Variants in WDR43 observed in about 807,000 individuals in gnomAD.
WDR43 encodes the protein WD repeat domain 43, also known as WD repeat-containing protein 43.
In WDR43, 13 loss-of-function variants were observed where a neutral mutation model predicts 91.4. The ratio of observed to expected loss-of-function variants is 0.14; its 90% CI spans 0.09 to 0.23. The LOEUF (loss-of-function observed/expected upper bound fraction) is 0.23. Ranked by LOEUF, WDR43 falls within the 10% of genes least tolerant of loss-of-function variation. The pLI, the probability that WDR43 is intolerant of heterozygous loss-of-function variation, is 1.00. For missense variants in WDR43, 780 were observed against 809.4 expected, an observed-to-expected ratio of 0.96 and a Z score of 0.44; for synonymous variants, 331 against 287.9, an observed-to-expected ratio of 1.15 and a Z score of -1.51.
At position 28,902,105 on chromosome 2, in the gene WDR43, A is replaced by G. The variant is rs1443287022; in HGVS notation, c.344A>G (p.Glu115Gly). 6.3e-7 allele frequency: 1 copy of G among 1,576,792 alleles called. No individual in the cohort carries two copies. The highest frequency in any genetic ancestry group is 1.2e-5 in the South Asian group (1 of 84,398). Residue 115 changes from glutamate (E) to glycine (G), a missense_variant, in exon 2 of 18, where the codon GAG (glutamate) becomes GGG (glycine). By Grantham distance (98) the Glu-to-Gly change is moderately conservative (BLOSUM62 -2). Around this residue, in one of 4 missense-constraint regions of WDR43, gnomAD observed 174 missense variants for 207.3 expected, o/e 0.84. Coordinates refer to ENST00000407426, the MANE Select transcript of WDR43 (RefSeq NM_015131.3). ...TTATTATACAGCACAGTAAAAGGAG[A>G]GTTACACAGTAAATTAATAGTAAGT... ...SILLYSTVKG[E>G]LHSKLISGGH...
intron 14 of WDR43, among the ~76,000 whole-genome samples, chr2:28,940,032 A>AC (rs1161341142): frequency 6.9e-6 from 1 of 145,592 alleles, no homozygotes; most frequent in African/African-American, 2.5e-5. Flanking sequence ...AATGGCGTGA[A>AC]CCCGGGGGGG....
intron 2 of WDR43, among the ~76,000 whole-genome samples, chr2:28,906,075 A>G (rs1275774580): frequency 6.6e-6 from 1 of 152,180 alleles, no homozygotes. Context: ...TAGGGTTCAT[A>G]TTATCATAAT....
chr2:28,899,146 G>A (rs1248072296), intron 1 of WDR43, among the ~76,000 whole-genome samples: 1 of 152,140 alleles, frequency 6.6e-6, no homozygotes, highest in East Asian at 1.9e-4. Context: ...ATGCCTTCAG[G>A]AATTGAGATT....
intron 1 of WDR43, among the ~76,000 whole-genome samples, chr2:28,898,004 C>T (rs1324970459): frequency 6.6e-6 from 1 of 152,180 alleles, no homozygotes; most frequent in South Asian, 2.1e-4. Context: ...AAGAGTTCCT[C>T]AAGTTTATGT....
chr2:28,942,249 G>A (rs1421001981), intron 15 of WDR43, 63 bp from the exon 16 acceptor site: 5 of 1,527,728 alleles, frequency 3.3e-6, no homozygotes, highest in Non-Finnish European at 4.5e-6. Flanking sequence ...GGGTATGCTG[G>A]TGGTCGTGAT....
At chr2:28,902,229 T>C (rs1363668307) in intron 2 of WDR43, 105 bp downstream of exon 2, 1 of 1,206,488 alleles carries the variant, frequency 8.3e-7, no homozygotes, top group African/African-American at 1.5e-5. Context: ...ATCTGTGCAG[T>C]AGGGACAGTT....
chr2:28,905,662 TC>T (rs1353294514), intron 2 of WDR43, among the ~76,000 whole-genome samples: 1 of 135,094 alleles, frequency 7.4e-6, no homozygotes, highest in African/African-American at 2.6e-5. Flanking sequence ...TCTCTCTTCT[TC>T]TCTTTTTTTT....
intron 1 of WDR43, among the ~76,000 whole-genome samples, chr2:28,897,065 G>A (rs980556255): frequency 6.6e-6 from 1 of 152,064 alleles, no homozygotes; most frequent in Non-Finnish European, 1.5e-5. Context: ...ATGGTGCCCC[G>A]AACTCCTGGT....
chr2:28,932,351 C>A (rs1251696794), intron 11 of WDR43, among the ~76,000 whole-genome samples: 1 of 152,098 alleles, frequency 6.6e-6, no homozygotes, highest in East Asian at 1.9e-4. Context: ...TTAGTAGAGA[C>A]AGGACTTCAC....
chr2:28,898,659 AG>A (rs1670525180), intron 1 of WDR43, among the ~76,000 whole-genome samples: 1 of 152,108 alleles, frequency 6.6e-6, no homozygotes, highest in Non-Finnish European at 1.5e-5. Context: ...TTGATCCATT[AG>A]TGGATTATGT....
At chr2:28,915,956 A>G (rs6742478) in intron 5 of WDR43, among the ~76,000 whole-genome samples, 62,155 of 152,050 alleles carry the variant, frequency 0.41, 13,464 homozygotes, top group Middle Eastern at 0.52. Flanking sequence ...GATTTGAATC[A>G]TGTTTGTAAA....
intron 2 of WDR43, 62 bp downstream of exon 2, chr2:28,902,186 T>A: frequency 2.7e-6 from 4 of 1,484,924 alleles, no homozygotes; most frequent in African/African-American, 1.4e-5. Context: ...TTAGAGATTA[T>A]TAAAAAAAAA....
intron 3 of WDR43, among the ~76,000 whole-genome samples, chr2:28,910,681 A>ATATATATATATATATG (rs1454620425): frequency 2.7e-5 from 4 of 147,474 alleles, no homozygotes; most frequent in Admixed American, 1.4e-4. Context: ...GTGTGTAAAT[A>ATATATATATATATATG]TATATATATA....
rs1671560345 is a variant in WDR43 at position 28,947,254 on chromosome 2, T to C, written c.*475T>C. 6.6e-6 allele frequency: 1 copy of C among 152,200 alleles called. No homozygotes were observed. The highest frequency in any genetic ancestry group is 1.5e-5 in the Non-Finnish European group (1 of 68,098). The allele number at this position is 152,200 out of a possible 1,614,324, so 9.4% of individuals were successfully genotyped here. A position where few individuals can be genotyped will look rare whatever the true frequency, so the allele number is the denominator to read the frequency against. On this transcript the variant is annotated 3_prime_UTR_variant, in exon 18 of 18. Transcript: ENST00000407426. The stretch of plus-strand genomic sequence containing the variant: ...TAATTTGGTACATTTTCATAAAATA[T>C]GAAGGGATAACTACAAACTGGAGTA...
Position 28,942,395 on chromosome 2 carries a change from G to T in WDR43, c.1804+14G>T. 6.2e-7 allele frequency: 1 copy of T among 1,611,506 alleles called. No homozygotes were observed. The highest frequency in any genetic ancestry group is 1.3e-5 in the African/African-American group (1 of 74,992). ...TGTATGAAGAAGGTAAAGACTGGGG[G>T]AATGGGATGGAGTCTAGAATTATAA... On this transcript the variant is annotated intron_variant, in intron 16 of 17. Transcript: ENST00000407426.
chr2:28,901,932 C>T lies in WDR43; in HGVS notation c.226-55C>T, dbSNP rs951370325. The stretch of plus-strand genomic sequence containing the variant: ...GTGGGCATTTGTATTTGTTCATTAA[C>T]GATGTTTTAGTATTTGCAATACTAA... On this transcript the variant is annotated intron_variant, in intron 1 of 17. Coordinates refer to ENST00000407426, the MANE Select transcript of WDR43 (RefSeq NM_015131.3). 59 of 1,487,316 alleles carry T rather than the reference C, an allele frequency of 4.0e-5. 1 individual carries two copies. The highest frequency in any genetic ancestry group is 2.3e-4 in the African/African-American group (16 of 69,942). The allele number at this position is 1,487,316 out of a possible 1,614,324, so 92.1% of individuals were successfully genotyped here.
intron 6 of WDR43, among the ~76,000 whole-genome samples, chr2:28,921,664 G>A (rs907371479): frequency 2.0e-5 from 3 of 152,154 alleles, no homozygotes; most frequent in Admixed American, 1.3e-4. Context: ...GTTGCAGAAC[G>A]GGGAACTAGA....
chr2:28,934,198 A>AATATAAATTCCTATTTAT (rs1389955306), intron 11 of WDR43, among the ~76,000 whole-genome samples: 8 of 152,340 alleles, frequency 5.3e-5, no homozygotes, highest in Middle Eastern at 3.4e-3. Context: ...AGCAAAAAGT[A>AATATAAATTCCTATTTAT]ATATAAATTC....
intron 15 of WDR43, among the ~76,000 whole-genome samples, 185 bp downstream of exon 15, chr2:28,941,759 C>T (rs543214658): frequency 1.3e-5 from 2 of 152,152 alleles, no homozygotes; most frequent in Non-Finnish European, 2.9e-5. Context: ...GGATGCACCA[C>T]CATGCCTGGC....
Sources: allele counts gnomAD v4.1 joint callset (sites outside exome capture counted in the v4.1 genomes callset), GRCh38; gene constraint gnomAD v4.1.1; regional missense constraint gnomAD v4.1.1; transcripts MANE v1.5; gene names NCBI Gene and HGNC (gene_info 2026-07-23, HGNC 2026-07-21).